COBL: variants seen among roughly 807,000 people sequenced by gnomAD.
The protein encoded by COBL is protein cordon-bleu.
A neutral mutation model predicts 98.8 loss-of-function variants in COBL; 51 were observed. That is an observed-to-expected ratio of 0.52 (90% confidence interval 0.41 to 0.65). COBL has a LOEUF of 0.65. Among genes scored for constraint, COBL ranks in the 30% least tolerant of loss-of-function variants. The probability of loss-of-function intolerance (pLI) is 0.00; values close to 1 mark genes in which losing one functional copy is unlikely to be tolerated. For synonymous variants in COBL, 634 were observed against 651.7 expected (o/e 0.97, Z 0.41); for missense variants, 1,617 against 1,617.5 (o/e 1.00, Z 0.01).
intron 2 of COBL, 100 bp from the exon 3 acceptor site, chr7:51,193,689 G>A: frequency 4.9e-6 from 5 of 1,012,276 alleles, no homozygotes; most frequent in Non-Finnish European, 7.5e-6. Flanking sequence ...GGATGAATGA[G>A]CAAATTAGAT....
chr7:51,166,778 G>A (rs1787357343), intron 5 of COBL, among the ~76,000 whole-genome samples: 2 of 152,048 alleles, frequency 1.3e-5, no homozygotes, highest in Admixed American at 6.5e-5. Context: ...ATTTATCCCT[G>A]GGGATGCAAG....
intron 1 of COBL, among the ~76,000 whole-genome samples, chr7:51,242,726 T>A (rs1054290356): frequency 6.6e-6 from 1 of 152,160 alleles, no homozygotes; most frequent in Non-Finnish European, 1.5e-5. Context: ...ATACCCACCA[T>A]CTGCTCTGTT....
chr7:51,214,040 C>T (rs1792756628), intron 2 of COBL, among the ~76,000 whole-genome samples: 1 of 152,018 alleles, frequency 6.6e-6, no homozygotes, highest in African/African-American at 2.4e-5. Context: ...CCGAGGCAGG[C>T]AGATCACTTG....
chr7:51,287,115 G>C (rs1307584241), intron 1 of COBL, among the ~76,000 whole-genome samples: 1 of 152,156 alleles, frequency 6.6e-6, no homozygotes, highest in Non-Finnish European at 1.5e-5. Context: ...TGGAGGTGGG[G>C]AGGAAAGGAG....
chr7:51,298,654 G>A (rs1333791905), intron 1 of COBL, among the ~76,000 whole-genome samples: 1 of 152,202 alleles, frequency 6.6e-6, no homozygotes. Flanking sequence ...AGCATGTCAT[G>A]TCAAATGAAT....
chr7:51,137,493 G>T (rs906210584), intron 5 of COBL, among the ~76,000 whole-genome samples: 1 of 151,958 alleles, frequency 6.6e-6, no homozygotes, highest in African/African-American at 2.4e-5. Context: ...TAGCTACTTG[G>T]GATGCTAAGG....
At chr7:51,267,230 T>C (rs1404010628) in intron 1 of COBL, among the ~76,000 whole-genome samples, 5 of 152,184 alleles carry the variant, frequency 3.3e-5, no homozygotes, top group African/African-American at 7.2e-5. Flanking sequence ...CCAAACCTGG[T>C]ACCCTTTCCC....
intron 7 of COBL, among the ~76,000 whole-genome samples, chr7:51,044,223 G>A (rs1789476148): frequency 2.0e-5 from 3 of 152,176 alleles, no homozygotes; most frequent in Admixed American, 6.5e-5. Flanking sequence ...TTACATGTGA[G>A]GCCAGTTTCT....
chr7:51,032,434 T>C lies in COBL; in HGVS notation c.1407-1525A>G, dbSNP rs775590032. ...TCTATCTTCAGTGAAAGCTGAAGGT[T>C]TGTTTTCCGCTGATTGTTAAAAATT... On this transcript the variant is annotated intron_variant, in intron 8 of 12. Coordinates refer to ENST00000265136, the MANE Select transcript of COBL (RefSeq NM_015198.5). 2.6e-5 allele frequency: 4 copies of C among 152,262 alleles called. No homozygotes were observed. The East Asian group carries it at 5.8e-4, about 22-fold the overall frequency. The allele number at this position is 152,262 out of a possible 1,614,324, so 9.4% of individuals were successfully genotyped here. A position where few individuals can be genotyped will look rare whatever the true frequency, so the allele number is the denominator to read the frequency against.
At chr7:51,241,168 TAGAG>T (rs1241745948) in intron 1 of COBL, among the ~76,000 whole-genome samples, 1 of 152,226 alleles carries the variant, frequency 6.6e-6, no homozygotes, top group Admixed American at 6.5e-5. Context: ...TAAGGATTAT[TAGAG>T]AGAGCAAATT....
intron 2 of COBL, among the ~76,000 whole-genome samples, chr7:51,216,518 C>T (rs17811625): frequency 0.019 from 2,969 of 152,296 alleles, 40 homozygotes; most frequent in Non-Finnish European, 0.031. Flanking sequence ...GGGATTGTGG[C>T]CTCTGTCCAG....
intron 7 of COBL, among the ~76,000 whole-genome samples, chr7:51,046,466 C>T (rs944941890): frequency 6.6e-6 from 1 of 152,160 alleles, no homozygotes. Flanking sequence ...CCGAGGTCTG[C>T]TCTGTCCTGG....
In COBL at chr7:51,085,195, T is replaced by A. The variant is rs1241526919; in HGVS notation, c.1067A>T (p.Asp356Val). ...CGTGCTCTTCCTGTTCTCCTCCTTATCCTCAGTGCGGTTGGGGATCAGGGG... is the reference window on the plus strand; with the variant it reads ...CGTGCTCTTCCTGTTCTCCTCCTTAACCTCAGTGCGGTTGGGGATCAGGGG... ...PSPLIPNRTE[D>V]KEENRKSTMV... Residue 356 changes from aspartate (D) to valine (V), a missense_variant, in exon 7 of 13, where the codon GAT (aspartate) becomes GTT (valine). Coordinates refer to ENST00000265136, the MANE Select transcript of COBL (RefSeq NM_015198.5). The A allele has an allele frequency of 6.2e-7, 1 of 1,613,834 alleles. No homozygotes were observed. Among genetic ancestry groups the A allele is most frequent in the South Asian group, 1.1e-5 (1 of 91,040 alleles).
intron 6 of COBL, among the ~76,000 whole-genome samples, chr7:51,131,106 C>G (rs1009359904): frequency 1.3e-5 from 2 of 152,148 alleles, no homozygotes; most frequent in Non-Finnish European, 2.9e-5. Flanking sequence ...CCAACCATCA[C>G]TAGCAATTTC....
At chr7:51,296,088 T>C (rs927794917) in intron 1 of COBL, among the ~76,000 whole-genome samples, 5 of 152,214 alleles carry the variant, frequency 3.3e-5, no homozygotes, top group Non-Finnish European at 7.3e-5. Flanking sequence ...CTTTTCTGGG[T>C]GTTCATGAAG....
At chr7:51,076,626 T>C (rs1372779259) in intron 7 of COBL, among the ~76,000 whole-genome samples, 1 of 152,256 alleles carries the variant, frequency 6.6e-6, no homozygotes, top group Admixed American at 6.5e-5. Context: ...TATTTCCTTG[T>C]TTTAGAATTT....
chr7:51,110,503 A>G (rs1168763277), intron 6 of COBL, among the ~76,000 whole-genome samples: 1 of 152,186 alleles, frequency 6.6e-6, no homozygotes, highest in Non-Finnish European at 1.5e-5. Flanking sequence ...TTCTCTAACC[A>G]TTCATCCGCT....
intron 5 of COBL, among the ~76,000 whole-genome samples, chr7:51,142,996 G>A (rs6969600): frequency 0.054 from 8,219 of 152,132 alleles, 645 homozygotes; most frequent in African/African-American, 0.17. Flanking sequence ...TGCAGTGCAT[G>A]GTGCAAACTT....
rs142953613 is a variant in COBL, at chr7:51,244,292, C to T, written c.42-24348G>A. 6.3e-3 allele frequency among the ~76,000 whole-genome samples: 961 copies of T among 152,290 alleles called. 13 individuals are homozygous for T. Among genetic ancestry groups the T allele is most frequent in the African/African-American group, 0.022 (906 of 41,564 alleles). Reference sequence around the variant, plus strand: ...GCCTGGACCAGCATGCCCCGGTGCCCCATGACTGTAGTGGGTATTTGCTGT... The same window carrying T: ...GCCTGGACCAGCATGCCCCGGTGCCTCATGACTGTAGTGGGTATTTGCTGT... On this transcript the variant is annotated intron_variant, in intron 1 of 12. Coordinates refer to ENST00000265136, the MANE Select transcript of COBL (RefSeq NM_015198.5).
Sources: gnomAD v4.1 joint callset for allele counts (sites outside exome capture counted in the v4.1 genomes callset) on GRCh38, gnomAD v4.1.1 for gene constraint, MANE v1.5 for transcripts, NCBI Gene and HGNC (gene_info 2026-07-23, HGNC 2026-07-21) for gene names.